Variants in VSIG4 observed in about 807,000 individuals in gnomAD.
VSIG4 encodes V-set and immunoglobulin domain-containing protein 4.
In VSIG4, 34 loss-of-function variants were observed where a neutral mutation model predicts 23.4. That is an observed-to-expected ratio of 1.45 (90% CI 1.10 to 1.93). The LOEUF (loss-of-function observed/expected upper bound fraction) is 1.93, where lower values mean the gene tolerates loss of function less well. Among genes scored for constraint, VSIG4 ranks in the 30% most tolerant of loss-of-function variants. The pLI is 0.00. For missense variants in VSIG4, 433 were observed against 310.8 expected (o/e 1.39, Z -2.96); for synonymous variants, 169 against 120.3 (o/e 1.41, Z -2.65).
intron 7 of VSIG4, 62 bp from the exon 8 acceptor site, chrX:66,022,562 C>T (rs761466569): frequency 6.8e-5 from 80 of 1,182,844 alleles, no homozygotes; most frequent in Non-Finnish European, 8.5e-5. Flanking sequence ...TGGTTTCCCA[C>T]CCTTCTGCCT....
At chrX:66,029,597 T>A (rs888055955) in intron 3 of VSIG4, among the ~76,000 whole-genome samples, 2 of 111,514 alleles carry the variant, frequency 1.8e-5, no homozygotes, top group Non-Finnish European at 3.8e-5. Flanking sequence ...AGAAGATGAT[T>A]GAAATTGTTT....
At chrX:66,036,361 C>A (rs1346737995) in intron 1 of VSIG4, among the ~76,000 whole-genome samples, 1 of 107,163 alleles carries the variant, frequency 9.3e-6, no homozygotes, top group African/African-American at 3.4e-5. Flanking sequence ...ACCACAATAC[C>A]ACTGACTTGT....
At chrX:66,024,267 T>G (rs1428021862) in intron 6 of VSIG4, among the ~76,000 whole-genome samples, 3 of 112,711 alleles carry the variant, frequency 2.7e-5, no homozygotes, top group Admixed American at 9.3e-5. Context: ...ACAACTGTGC[T>G]GTCATTATGC....
intron 1 of VSIG4, among the ~76,000 whole-genome samples, chrX:66,036,813 A>G (rs1186979364): frequency 9.8e-4 from 39 of 39,645 alleles, no homozygotes; most frequent in Non-Finnish European, 1.5e-3. Flanking sequence ...ATATAATATT[A>G]TATATTATTA....
intron 6 of VSIG4, among the ~76,000 whole-genome samples, chrX:66,023,831 G>A (rs2085360201): frequency 8.9e-6 from 1 of 111,902 alleles, no homozygotes; most frequent in Non-Finnish European, 1.9e-5. Context: ...TTATCCCCTG[G>A]GCCATAAGAA....
chrX:66,034,844 T>A (rs764485668), intron 1 of VSIG4, among the ~76,000 whole-genome samples: 1 of 110,331 alleles, frequency 9.1e-6, no homozygotes, highest in East Asian at 2.9e-4. Context: ...CCATAAGCTC[T>A]TATTTAGAAG....
At chrX:66,030,258 T>C (rs2147663659) in intron 3 of VSIG4, among the ~76,000 whole-genome samples, 1 of 111,478 alleles carries the variant, frequency 9.0e-6, no homozygotes, top group Admixed American at 9.5e-5. Context: ...GACCCCAAAT[T>C]ACAAAGTTAT....
At chrX:66,027,419 A>G (rs1181230556) in intron 5 of VSIG4, 30 bp downstream of exon 5, 2 of 1,158,723 alleles carry the variant, frequency 1.7e-6, no homozygotes, top group Admixed American at 4.7e-5. Context: ...AGTCAAGAAG[A>G]AAAGATAGAA....
At chrX:66,025,379 C>A (rs762861477) in intron 5 of VSIG4, among the ~76,000 whole-genome samples, 111 of 111,904 alleles carry the variant, frequency 9.9e-4, no homozygotes, top group African/African-American at 3.5e-3. Flanking sequence ...AGCTAGTTGT[C>A]TATGCTTTCT....
intron 1 of VSIG4, among the ~76,000 whole-genome samples, chrX:66,035,496 T>A (rs1169793022): frequency 5.4e-5 from 6 of 111,496 alleles, no homozygotes; most frequent in Non-Finnish European, 1.1e-4. Context: ...TAAGGTCCCT[T>A]CTAATCTTAG....
intron 7 of VSIG4, 150 bp downstream of exon 7, chrX:66,022,691 A>G: frequency 8.8e-7 from 1 of 1,141,987 alleles, no homozygotes; most frequent in Non-Finnish European, 1.2e-6. Flanking sequence ...AAGGTGCCTG[A>G]GAGAGGGAAG....
intron 5 of VSIG4, among the ~76,000 whole-genome samples, chrX:66,026,445 T>G (rs2085391871): frequency 8.9e-6 from 1 of 112,098 alleles, no homozygotes; most frequent in South Asian, 3.8e-4. Context: ...AAGGTTATTT[T>G]CTCATTTTTC....
chrX:66,033,534 G>A lies in VSIG4; in HGVS notation c.352C>T (p.Gln118Ter). The change falls in exon 2 of 8, where the codon CAG becomes TAG. Residue 118 changes from glutamine to a stop codon, truncating the protein, a stop_gained. Transcript: ENST00000374737. LOFTEE classifies it high-confidence loss of function. ...RSHYTCEVTW[Q>*]TPDGNQVVRD... ...ACGACTTGGTTGCCATCAGGAGTCT[G>A]CCAGGTGACTTCACACGTGTAGTGG... is the stretch of plus-strand genomic sequence containing the variant. 8.3e-7 allele frequency: 1 copy of A among 1,211,495 alleles called. No individual in the cohort carries two copies. The highest frequency in any genetic ancestry group is 1.1e-6 in the Non-Finnish European group (1 of 895,364).
intron 1 of VSIG4, among the ~76,000 whole-genome samples, chrX:66,036,978 A>AATATATCATATAATATAATATATC (rs2085579570): frequency 1.2e-4 from 4 of 32,475 alleles, no homozygotes; most frequent in Non-Finnish European, 1.7e-4. Context: ...TATATAATAT[A>AATATATCATATAATATAATATATC]ATATATCATA....
intron 7 of VSIG4, 105 bp downstream of exon 7, chrX:66,022,736 T>C: frequency 8.4e-7 from 1 of 1,191,089 alleles, no homozygotes; most frequent in Non-Finnish European, 1.1e-6. Context: ...CCTCCGGCCT[T>C]AGGATTGGGT....
At chrX:66,037,443 A>ATATAATTATATAATAATATAATATATT (rs2085618666) in intron 1 of VSIG4, among the ~76,000 whole-genome samples, 2 of 34,177 alleles carry the variant, frequency 5.9e-5, no homozygotes, top group African/African-American at 2.9e-4. Context: ...TATAATATAT[A>ATATAATTATATAATAATATAATATATT]ATATAATTAT....
Position 66,022,038 on chromosome X carries a change from C to T in VSIG4, c.*225G>A. Reference sequence around the variant, plus strand: ...TATTTAGAGAGGAGTACCAGAAGCCCCCGGCAGAGATACTAGAAGGGCCCA... The same window carrying T: ...TATTTAGAGAGGAGTACCAGAAGCCTCCGGCAGAGATACTAGAAGGGCCCA... On this transcript the variant is annotated 3_prime_UTR_variant, in exon 8 of 8. Transcript: ENST00000374737. 1 of 1,155,785 alleles carries T rather than the reference C, an allele frequency of 8.7e-7. No individual in the cohort carries two copies. Among genetic ancestry groups the T allele is most frequent in the East Asian group, 3.3e-5 (1 of 30,259 alleles).
rs201573275 is a variant in VSIG4 at position 66,032,752 on chromosome X, G to A, written c.413-3C>T. On this transcript the variant is annotated splice_polypyrimidine_tract_variant and splice_region_variant and intron_variant, in intron 2 of 7. Transcript: ENST00000374737. ...CACTGTGGGCTTGGAGACAGAGACTGCAAAGAAAAGACAAGACAGGAAACT... is the reference window on the plus strand; with the variant it reads ...CACTGTGGGCTTGGAGACAGAGACTACAAAGAAAAGACAAGACAGGAAACT... The A allele has an allele frequency of 1.7e-6, 2 of 1,208,037 alleles. No homozygotes were observed. The highest frequency in any genetic ancestry group is 2.2e-6 in the Non-Finnish European group (2 of 893,660).
Position 66,025,115 on chromosome X carries a change from C to A in VSIG4, c.850G>T (p.Val284Phe). 8.4e-7 allele frequency: 1 copy of A among 1,195,318 alleles called. No homozygotes were observed. The highest frequency in any genetic ancestry group is 1.1e-6 in the Non-Finnish European group (1 of 886,795). Residue 284 changes from valine (V) to phenylalanine (F), a missense_variant, in exon 6 of 8, where the codon GTC (valine) becomes TTC (phenylalanine). Transcript: ENST00000374737. ...GAGATGATGAGGATGATGGCAAAGA[C>A]AGGCAGGCTCTTTCCTAGAGGGTAA... ...TSAGPGKSLPVFAIILIISLC... is the reference protein window; with the variant it reads ...TSAGPGKSLPFFAIILIISLC...
Sources: allele counts gnomAD v4.1 joint callset (sites outside exome capture counted in the v4.1 genomes callset), GRCh38; gene constraint gnomAD v4.1.1; transcripts MANE v1.5; gene names NCBI Gene and HGNC (gene_info 2026-07-23, HGNC 2026-07-21).